The following FAM107A variants were observed in gnomAD, a reference collection of about 807,000 sequenced individuals.
The protein encoded by FAM107A is actin-associated protein FAM107A.
FAM107A carries 19 observed loss-of-function variants against 13.7 expected under a neutral mutation model. The observed-to-expected ratio is 1.38, with a 90% CI of 0.97 to 2.03. The LOEUF (loss-of-function observed/expected upper bound fraction) is 2.03, where lower values mean the gene tolerates loss of function less well. FAM107A is among the 30% of genes most tolerant of loss of function. FAM107A has a pLI of 0.00. For synonymous variants in FAM107A, 82 were observed against 74.5 expected (o/e 1.10, Z -0.52); for missense variants, 203 against 184.4 (o/e 1.10, Z -0.58).
intron 1 of FAM107A, among the ~76,000 whole-genome samples, chr3:58,600,031 C>T (rs1335195048): frequency 6.6e-6 from 1 of 151,980 alleles, no homozygotes; most frequent in Non-Finnish European, 1.5e-5. Context: ...AATTTACCCC[C>T]CACCCCTGCA....
intron 1 of FAM107A, among the ~76,000 whole-genome samples, chr3:58,597,443 A>G (rs927254532): frequency 1.3e-5 from 2 of 152,152 alleles, no homozygotes; most frequent in Admixed American, 1.3e-4. Flanking sequence ...CTGAATTTGG[A>G]GCTCAGGGTA....
At position 58,617,359 on chromosome 3, in the gene FAM107A, T is replaced by C. The variant is rs964482163; in HGVS notation, c.-70+10057A>G. Among the ~76,000 whole-genome samples, 2 of 152,174 alleles carry C rather than the reference T, an allele frequency of 1.3e-5. No individual in the cohort carries two copies. The highest frequency in any genetic ancestry group is 6.5e-5 in the Admixed American group (1 of 15,276). On this transcript the variant is annotated intron_variant, in intron 1 of 3. Coordinates refer to the FAM107A transcript ENST00000465970. The surrounding 1 kb of genome is among the most constrained non-coding windows in gnomAD (Gnocchi z 4.5). ...TTTCTGGCTGAGCTCCTGCAGGTTCTAGGTGTGACATCATCCCTATGGGAC... is the reference window on the plus strand; with the variant it reads ...TTTCTGGCTGAGCTCCTGCAGGTTCCAGGTGTGACATCATCCCTATGGGAC...
chr3:58,588,776 C>T (rs1260118235), upstream of FAM107A, among the ~76,000 whole-genome samples: 2 of 152,132 alleles, frequency 1.3e-5, no homozygotes, highest in African/African-American at 4.8e-5. Flanking sequence ...TCTCCTGCCT[C>T]AGCCTCCCGA....
intron 1 of FAM107A, among the ~76,000 whole-genome samples, chr3:58,616,633 G>A (rs1021060751): frequency 1.3e-5 from 2 of 151,442 alleles, no homozygotes; most frequent in African/African-American, 4.9e-5. Context: ...GAACACCACG[G>A]ATTGCAGGCA....
At chr3:58,575,413 G>A (rs1023775117) in intron 1 of FAM107A, among the ~76,000 whole-genome samples, 2 of 152,140 alleles carry the variant, frequency 1.3e-5, no homozygotes, top group Non-Finnish European at 2.9e-5. Flanking sequence ...AAGAAACCCT[G>A]TGGTCACCAC....
chr3:58,602,543 G>A (rs955766473), intron 1 of FAM107A, among the ~76,000 whole-genome samples: 8 of 152,238 alleles, frequency 5.3e-5, no homozygotes, highest in African/African-American at 2.4e-5. Context: ...TAAAAAGATC[G>A]GCAATATGGT....
chr3:58,598,428 C>A (rs1443396065), intron 1 of FAM107A, among the ~76,000 whole-genome samples: 1 of 152,196 alleles, frequency 6.6e-6, no homozygotes, highest in Admixed American at 6.5e-5. Flanking sequence ...ATTCATTCAG[C>A]CCCTTAGGTC....
At chr3:58,624,129 T>A (rs1393138340) in intron 1 of FAM107A, among the ~76,000 whole-genome samples, 1 of 152,216 alleles carries the variant, frequency 6.6e-6, no homozygotes, top group African/African-American at 2.4e-5. Flanking sequence ...TGCTGTGTAA[T>A]GCAAGGGCTT....
At chr3:58,608,685 A>G (rs2065823009) in intron 1 of FAM107A, among the ~76,000 whole-genome samples, 1 of 152,174 alleles carries the variant, frequency 6.6e-6, no homozygotes, top group South Asian at 2.1e-4. Context: ...CTCCTTCCCC[A>G]GACCCCCTTG....
intron 1 of FAM107A, among the ~76,000 whole-genome samples, chr3:58,596,293 A>T (rs1575449947): frequency 6.6e-6 from 1 of 152,176 alleles, no homozygotes; most frequent in Admixed American, 6.5e-5. Flanking sequence ...AAGGAGACCA[A>T]CCATGGGCCC....
In FAM107A at chr3:58,565,303, G is replaced by C. The variant is rs1414359846; in HGVS notation, c.*1285C>G. ...TGGGTCTCAGGTGACAGAGGCCGGG[G>C]ATTCAGACTCAAAGGGGCCAGTCCA... On this transcript the variant is annotated 3_prime_UTR_variant, in exon 4 of 4. Transcript: ENST00000360997. 6.6e-6 allele frequency: 1 copy of C among 151,928 alleles called. No homozygotes were observed. Among genetic ancestry groups the C allele is most frequent in the Non-Finnish European group, 1.5e-5 (1 of 68,000 alleles). 9.4% of individuals were successfully genotyped at this position (151,928 alleles called of 1,614,324 possible).
chr3:58,619,052 G>C (rs887011497), intron 1 of FAM107A, among the ~76,000 whole-genome samples: 4 of 152,192 alleles, frequency 2.6e-5, no homozygotes, highest in Non-Finnish European at 5.9e-5. Context: ...CCAGGATGGA[G>C]TGCAGTGGTG....
upstream of FAM107A, among the ~76,000 whole-genome samples, chr3:58,580,234 A>T (rs1280787468): frequency 1.3e-5 from 2 of 151,948 alleles, no homozygotes. Context: ...TTTTTTTTCA[A>T]GATAAAAAAG....
intron 1 of FAM107A, among the ~76,000 whole-genome samples, chr3:58,619,588 C>G (rs963921389): frequency 6.6e-6 from 1 of 152,212 alleles, no homozygotes; most frequent in African/African-American, 2.4e-5. Context: ...TCTTTTACCT[C>G]TCGGCCTCGT....
At chr3:58,587,518 TGG>T (rs1161374698), upstream of FAM107A, among the ~76,000 whole-genome samples, 24 of 134,050 alleles carry the variant, frequency 1.8e-4, no homozygotes, top group Admixed American at 1.4e-3. Context: ...TGTGTGTGTG[TGG>T]CCCAGAACAG....
At chr3:58,580,852 G>A (rs2065530253), upstream of FAM107A, among the ~76,000 whole-genome samples, 2 of 152,106 alleles carry the variant, frequency 1.3e-5, no homozygotes, top group African/African-American at 4.8e-5. Context: ...AAAAAAAAAG[G>A]CCCTAGCATA....
rs1226426048 is a variant in FAM107A at position 58,617,481 on chromosome 3, A to G, written c.-70+9935T>C. 6.6e-6 allele frequency among the ~76,000 whole-genome samples: 1 copy of G among 151,966 alleles called. No homozygotes were observed. Among genetic ancestry groups the G allele is most frequent in the African/African-American group, 2.4e-5 (1 of 41,378 alleles). ...CCTGTGGCAGCCTCTGTCATCTTAGATTTTAGATGAAAAAGAAAGTTCCAG... is the reference window on the plus strand; with the variant it reads ...CCTGTGGCAGCCTCTGTCATCTTAGGTTTTAGATGAAAAAGAAAGTTCCAG... On this transcript the variant is annotated intron_variant, in intron 1 of 3. Coordinates refer to the FAM107A transcript ENST00000465970. The surrounding 1 kb of genome is among the most constrained non-coding windows in gnomAD (Gnocchi z 4.5).
upstream of FAM107A, among the ~76,000 whole-genome samples, chr3:58,591,100 G>T (rs2065650726): frequency 6.6e-6 from 1 of 152,196 alleles, no homozygotes; most frequent in Non-Finnish European, 1.5e-5. The surrounding 1 kb of genome is among the most constrained non-coding windows in gnomAD (Gnocchi z 4.3). Context: ...CTCTGTTCTT[G>T]CAGCGTTCAC....
intron 1 of FAM107A, among the ~76,000 whole-genome samples, chr3:58,601,277 C>T (rs549680986): frequency 6.9e-6 from 1 of 145,166 alleles, no homozygotes; most frequent in African/African-American, 2.4e-5. Context: ...CCACATCCTC[C>T]TCCCAGAAAA....
Sources: gnomAD v4.1 joint callset for allele counts (sites outside exome capture counted in the v4.1 genomes callset) on GRCh38, gnomAD v4.1.1 for gene constraint, Gnocchi (gnomAD v3.1) non-coding constraint, MANE v1.5 for transcripts, NCBI Gene and HGNC (gene_info 2026-07-23, HGNC 2026-07-21) for gene names.